Variants in DNAJC1 observed in about 807,000 individuals in gnomAD.
The protein encoded by DNAJC1 is DnaJ heat shock protein family (Hsp40) member C1.
In DNAJC1, 58 loss-of-function variants were observed where a neutral mutation model predicts 76.6. That is an observed-to-expected ratio of 0.76 (90% CI 0.61 to 0.94). The LOEUF (loss-of-function observed/expected upper bound fraction) is 0.94. Among genes scored for constraint, DNAJC1 ranks in the 40% least tolerant of loss-of-function variants. The pLI is 0.00. For synonymous variants in DNAJC1, 258 were observed against 267.9 expected, an observed-to-expected ratio of 0.96 and a Z score of 0.36; for missense variants, 689 against 677.3, an observed-to-expected ratio of 1.02 and a Z score of -0.19.
chr10:21,870,811 C>T (rs576854374), intron 8 of DNAJC1, among the ~76,000 whole-genome samples: 1 of 151,858 alleles, frequency 6.6e-6, no homozygotes, highest in Non-Finnish European at 1.5e-5. Context: ...AAAGAAAGAA[C>T]AAAATACAGA....
intron 1 of DNAJC1, among the ~76,000 whole-genome samples, chr10:21,962,510 G>A (rs1348212949): frequency 7.3e-6 from 1 of 137,864 alleles, no homozygotes. Flanking sequence ...CTGTCACCCA[G>A]GCTGGAGTGC....
intron 8 of DNAJC1, among the ~76,000 whole-genome samples, chr10:21,825,208 T>G (rs1295975105): frequency 2.0e-5 from 3 of 152,252 alleles, no homozygotes. Flanking sequence ...TCTATACTTA[T>G]TAAACAATAA....
intron 8 of DNAJC1, among the ~76,000 whole-genome samples, chr10:21,826,237 CAAA>C (rs538301271): frequency 1.3e-5 from 1 of 77,488 alleles, no homozygotes; most frequent in Non-Finnish European, 2.3e-5. Context: ...AGACTTTGTC[CAAA>C]AAAAAAAAAG....
chr10:21,874,475 A>G (rs935140279), intron 8 of DNAJC1, among the ~76,000 whole-genome samples: 2 of 152,150 alleles, frequency 1.3e-5, no homozygotes, highest in African/African-American at 4.8e-5. Flanking sequence ...AAGTACTGCT[A>G]TATGCTACAC....
intron 8 of DNAJC1, among the ~76,000 whole-genome samples, chr10:21,836,764 A>T (rs983798541): frequency 1.3e-5 from 2 of 152,216 alleles, no homozygotes; most frequent in African/African-American, 4.8e-5. Flanking sequence ...GATCAATTCA[A>T]CAAGAAGAGC....
chr10:21,884,019 A>C lies in DNAJC1; in HGVS notation c.821-1580T>G, dbSNP rs558876162. Among the ~76,000 whole-genome samples the C allele has an allele frequency of 3.7e-4, 56 of 152,330 alleles. No homozygotes were observed. The South Asian group carries it at 5.4e-3, about 15-fold the overall frequency. On this transcript the variant is annotated intron_variant, in intron 7 of 11. Transcript: ENST00000376980. ...GAGAAGAGAGTTGACTTTAAAAGCC[A>C]AAACAATAAAAATTTTGCAAAAAGA...
chr10:21,862,969 C>T (rs1352902626), intron 8 of DNAJC1, among the ~76,000 whole-genome samples: 1 of 151,936 alleles, frequency 6.6e-6, no homozygotes, highest in Non-Finnish European at 1.5e-5. Flanking sequence ...CCCATCTATA[C>T]TAAAAATACA....
chr10:21,973,519 C>G (rs1838013866), intron 1 of DNAJC1, among the ~76,000 whole-genome samples: 1 of 152,084 alleles, frequency 6.6e-6, no homozygotes, highest in South Asian at 2.1e-4. Context: ...TTCTCTTATA[C>G]AACAGATGAA....
At chr10:21,925,292 G>C (rs1160931408) in intron 3 of DNAJC1, among the ~76,000 whole-genome samples, 1 of 152,112 alleles carries the variant, frequency 6.6e-6, no homozygotes, top group Non-Finnish European at 1.5e-5. Context: ...GATTACAGGT[G>C]TGAGCCACTG....
chr10:21,999,548 C>T (rs761478856), intron 1 of DNAJC1, among the ~76,000 whole-genome samples: 4 of 151,678 alleles, frequency 2.6e-5, no homozygotes, highest in Non-Finnish European at 4.4e-5. Flanking sequence ...CTCCGCCTCC[C>T]GGGTTCAAGC....
Position 21,759,450 on chromosome 10 carries a change from T to C in DNAJC1, c.1316A>G (p.Asp439Gly), listed in dbSNP as rs1489916332. The C allele has an allele frequency of 6.2e-7, 1 of 1,614,144 alleles. No homozygotes were observed. Among genetic ancestry groups the C allele is most frequent in the Admixed American group, 1.7e-5 (1 of 60,030 alleles). Residue 439 changes from aspartate (D) to glycine (G), a missense_variant, in exon 11 of 12, where the codon GAT (aspartate) becomes GGT (glycine). Transcript: ENST00000376980. Reference protein sequence around the residue: ...DSGEQETGATDARPRRRKPAR... With the variant: ...DSGEQETGATGARPRRRKPAR... ...TGGCTTCCGCCTCCGAGGCCGGGCATCAGTGGCCCCGGTCTCCTGCTCACC... is the reference window on the plus strand; with the variant it reads ...TGGCTTCCGCCTCCGAGGCCGGGCACCAGTGGCCCCGGTCTCCTGCTCACC...
In DNAJC1 at chr10:21,759,330, G is replaced by C. The variant is rs1316658552; in HGVS notation, c.1436C>G (p.Ser479Cys). The C allele has an allele frequency of 6.2e-7, 1 of 1,614,214 alleles. No homozygotes were observed. The highest frequency in any genetic ancestry group is 8.5e-7 in the Non-Finnish European group (1 of 1,180,038). ...TTTTCTCAGGCTCTCCTCGTCGCTG[G>C]ACTCGTTTTGTTCTGCTATGTCAAA... is the stretch of plus-strand genomic sequence containing the variant. Reference protein sequence around the residue: ...KDFDIAEQNESSDEESLRKER... With the variant: ...KDFDIAEQNECSDEESLRKER... The change falls in exon 11 of 12, where the codon TCC (serine) becomes TGC (cysteine). Residue 479 changes from serine to cysteine, a missense_variant. Physicochemically the swap from Ser to Cys is moderately radical, Grantham distance 112 (BLOSUM62 -1). Transcript: ENST00000376980.
At chr10:21,896,305 C>T (rs1035379828) in intron 7 of DNAJC1, among the ~76,000 whole-genome samples, 2 of 151,946 alleles carry the variant, frequency 1.3e-5, no homozygotes, top group Admixed American at 1.3e-4. Flanking sequence ...TGGGGTTGCC[C>T]AGAGCCTTGG....
At chr10:21,988,385 TAATTA>T (rs1237236477) in intron 1 of DNAJC1, among the ~76,000 whole-genome samples, 2 of 152,142 alleles carry the variant, frequency 1.3e-5, no homozygotes, top group Non-Finnish European at 2.9e-5. Flanking sequence ...CATATAATAA[TAATTA>T]AAAAATCGAT....
chr10:21,890,369 C>G (rs573452589), intron 7 of DNAJC1, among the ~76,000 whole-genome samples: 2 of 149,426 alleles, frequency 1.3e-5, no homozygotes, highest in Admixed American at 6.7e-5. Context: ...GCCAAGATCA[C>G]GCCACTGCAC....
chr10:21,835,964 A>G (rs923653096), intron 8 of DNAJC1, among the ~76,000 whole-genome samples: 1 of 152,196 alleles, frequency 6.6e-6, no homozygotes, highest in Non-Finnish European at 1.5e-5. Context: ...CAAATTCAGG[A>G]AATACAGAGA....
chr10:21,868,548 C>T (rs1024925285), intron 8 of DNAJC1, among the ~76,000 whole-genome samples: 2 of 152,064 alleles, frequency 1.3e-5, no homozygotes, highest in Non-Finnish European at 2.9e-5. Flanking sequence ...GGGCATTATG[C>T]TAACTATAAA....
chr10:21,896,150 G>C (rs1038183501), intron 7 of DNAJC1, among the ~76,000 whole-genome samples: 9 of 152,190 alleles, frequency 5.9e-5, no homozygotes, highest in African/African-American at 2.2e-4. Context: ...GAAATGCCCA[G>C]TGGAGCAATA....
chr10:21,827,153 C>T (rs1287362696), intron 8 of DNAJC1, among the ~76,000 whole-genome samples: 2 of 152,070 alleles, frequency 1.3e-5, no homozygotes, highest in Admixed American at 6.5e-5. Flanking sequence ...TTCAGTGTTA[C>T]TTCATTCATT....
Sources: allele counts gnomAD v4.1 joint callset (sites outside exome capture counted in the v4.1 genomes callset), GRCh38; gene constraint gnomAD v4.1.1; transcripts MANE v1.5; gene names NCBI Gene and HGNC (gene_info 2026-07-23, HGNC 2026-07-21).